The following DCC variants were observed in gnomAD, a reference collection of about 807,000 sequenced individuals.
The protein encoded by DCC is DCC netrin 1 receptor, also known as netrin receptor DCC.
DCC carries 58 observed loss-of-function variants against 172.5 expected under a neutral mutation model. The ratio of observed to expected loss-of-function variants is 0.34; its 90% CI spans 0.27 to 0.42. The LOEUF (loss-of-function observed/expected upper bound fraction) is 0.42, where lower values mean the gene tolerates loss of function less well. Among genes scored for constraint, DCC ranks in the 10% least tolerant of loss-of-function variants. The pLI is 1.00. For synonymous variants in DCC, 709 were observed against 644.5 expected, an observed-to-expected ratio of 1.10 and a Z score of -1.52; for missense variants, 1,740 against 1,791.0, an observed-to-expected ratio of 0.97 and a Z score of 0.51.
intron 1 of DCC, among the ~76,000 whole-genome samples, chr18:52,405,576 T>C (rs1300697346): frequency 6.6e-6 from 1 of 151,266 alleles, no homozygotes; most frequent in East Asian, 2.0e-4. Flanking sequence ...TCACAATTGC[T>C]TCAAAGAGAA....
intron 12 of DCC, among the ~76,000 whole-genome samples, chr18:53,284,884 A>G (rs532580531): frequency 1.7e-4 from 26 of 152,300 alleles, no homozygotes; most frequent in African/African-American, 6.3e-4. Flanking sequence ...ACTGGATCAA[A>G]GGTGACTCTT....
At chr18:53,145,836 G>A (rs1257160504) in intron 7 of DCC, among the ~76,000 whole-genome samples, 6 of 152,208 alleles carry the variant, frequency 3.9e-5, no homozygotes, top group African/African-American at 1.4e-4. Flanking sequence ...TAGCTTGATA[G>A]AGCCTTAGTA....
intron 5 of DCC, among the ~76,000 whole-genome samples, chr18:52,978,149 T>C (rs1172894974): frequency 1.3e-5 from 2 of 152,056 alleles, no homozygotes; most frequent in Non-Finnish European, 2.9e-5. Context: ...TTAATGATGA[T>C]GGTTTTGCCA....
chr18:53,446,065 C>T (rs982842747), intron 22 of DCC, among the ~76,000 whole-genome samples: 12 of 112,152 alleles, frequency 1.1e-4, no homozygotes, highest in Admixed American at 3.4e-4. Context: ...AGTTTGAGAC[C>T]AGCCTGGGCA....
intron 5 of DCC, among the ~76,000 whole-genome samples, chr18:53,025,219 T>C (rs1392783130): frequency 1.3e-5 from 2 of 152,158 alleles, no homozygotes; most frequent in Non-Finnish European, 2.9e-5. Flanking sequence ...AAATAGCTAT[T>C]TAAAACCAGT....
At chr18:52,788,898 G>A (rs748762889) in intron 2 of DCC, among the ~76,000 whole-genome samples, 1 of 152,136 alleles carries the variant, frequency 6.6e-6, no homozygotes, top group Non-Finnish European at 1.5e-5. Context: ...ATTTTACCAT[G>A]CATTTCATTG....
chr18:53,367,846 A>G (rs2058022738), intron 15 of DCC, among the ~76,000 whole-genome samples: 1 of 152,194 alleles, frequency 6.6e-6, no homozygotes, highest in Non-Finnish European at 1.5e-5. Context: ...AAAGCATGCA[A>G]CAATGCCCTC....
intron 5 of DCC, among the ~76,000 whole-genome samples, chr18:52,993,485 C>T (rs1457099369): frequency 6.6e-6 from 1 of 152,024 alleles, no homozygotes; most frequent in African/African-American, 2.4e-5. Context: ...ATGTCTGTTA[C>T]CATGAACATT....
At chr18:52,894,459 A>C (rs1010255591) in intron 2 of DCC, among the ~76,000 whole-genome samples, 16 of 149,856 alleles carry the variant, frequency 1.1e-4, no homozygotes, top group Admixed American at 8.7e-4. Flanking sequence ...TATTATTTTT[A>C]TATATTAATA....
At chr18:53,188,148 C>T (rs1226120693) in intron 9 of DCC, among the ~76,000 whole-genome samples, 1 of 152,162 alleles carries the variant, frequency 6.6e-6, no homozygotes, top group Non-Finnish European at 1.5e-5. Context: ...AATCCATCAA[C>T]ACTTTAAGAT....
chr18:52,462,664 A>G (rs1166179291), intron 1 of DCC, among the ~76,000 whole-genome samples: 1 of 152,080 alleles, frequency 6.6e-6, no homozygotes, highest in East Asian at 1.9e-4. Context: ...CATAGGACTC[A>G]CTACCATGTC....
At chr18:52,613,235 T>G (rs896403133) in intron 1 of DCC, among the ~76,000 whole-genome samples, 3 of 152,114 alleles carry the variant, frequency 2.0e-5, no homozygotes, top group African/African-American at 7.2e-5. Context: ...TTTGTTTGTT[T>G]GTTTGTTTTT....
At chr18:53,193,862 T>C (rs534380744) in intron 9 of DCC, among the ~76,000 whole-genome samples, 5 of 152,242 alleles carry the variant, frequency 3.3e-5, no homozygotes, top group African/African-American at 1.2e-4. Flanking sequence ...AGGATCTTTT[T>C]TTCATTATGT....
chr18:53,112,373 A>C (rs2043345620), intron 7 of DCC, among the ~76,000 whole-genome samples: 1 of 151,500 alleles, frequency 6.6e-6, no homozygotes, highest in South Asian at 2.1e-4. Context: ...TCCTCACAAC[A>C]CTATCATGAG....
intron 5 of DCC, among the ~76,000 whole-genome samples, chr18:53,049,441 A>G (rs1257481066): frequency 6.6e-6 from 1 of 152,070 alleles, no homozygotes; most frequent in Non-Finnish European, 1.5e-5. Context: ...TTAAATAGGG[A>G]GTCTTTTCCC....
At chr18:53,064,877 A>G (rs2042544795) in intron 6 of DCC, among the ~76,000 whole-genome samples, 1 of 152,152 alleles carries the variant, frequency 6.6e-6, no homozygotes, top group Non-Finnish European at 1.5e-5. Context: ...CTTACACTTA[A>G]AGGACATTTT....
chr18:53,431,824 T>A (rs1430996215), intron 21 of DCC, among the ~76,000 whole-genome samples: 1 of 152,152 alleles, frequency 6.6e-6, no homozygotes, highest in African/African-American at 2.4e-5. Flanking sequence ...TAAAATTGTA[T>A]TATTCATATA....
chr18:53,230,313 TTAA>T (rs2056102348), intron 12 of DCC, among the ~76,000 whole-genome samples: 1 of 152,096 alleles, frequency 6.6e-6, no homozygotes, highest in African/African-American at 2.4e-5. Flanking sequence ...CACAGTGCCT[TTAA>T]TAATATCTTT....
intron 1 of DCC, among the ~76,000 whole-genome samples, chr18:52,724,921 C>G (rs565479166): frequency 6.6e-6 from 1 of 152,328 alleles, no homozygotes; most frequent in Non-Finnish European, 1.5e-5. Context: ...AAACTGTTTT[C>G]TCTTCCAGGG....
Sources: allele counts gnomAD v4.1 joint callset (sites outside exome capture counted in the v4.1 genomes callset), GRCh38; gene constraint gnomAD v4.1.1; transcripts MANE v1.5; gene names NCBI Gene and HGNC (gene_info 2026-07-23, HGNC 2026-07-21).